TBC1D19: variants seen among roughly 807,000 people sequenced by gnomAD.
TBC1D19 encodes TBC1 domain family, member 19.
In TBC1D19, 60 loss-of-function variants were observed where a neutral mutation model predicts 89.0. The observed-to-expected ratio is 0.67, with a 90% CI of 0.55 to 0.84. The LOEUF (loss-of-function observed/expected upper bound fraction) is 0.84, where lower values mean the gene tolerates loss of function less well. TBC1D19 is among the 40% of genes least tolerant of loss of function. TBC1D19 has a pLI of 0.00. For missense variants in TBC1D19, 500 were observed against 610.8 expected (o/e 0.82, Z 1.91); for synonymous variants, 189 against 199.7 (o/e 0.95, Z 0.45).
chr4:26,819,241 G>GC, the TBC1D19 span, among the ~76,000 whole-genome samples: 1 of 152,200 alleles, frequency 6.6e-6, no homozygotes, highest in African/African-American at 2.4e-5. Flanking sequence ...CAGGGCAGTG[G>GC]CCCCTGAAGT....
intron 13 of TBC1D19, among the ~76,000 whole-genome samples, chr4:26,694,470 G>A (rs192517853): frequency 2.5e-4 from 38 of 152,320 alleles, no homozygotes; most frequent in South Asian, 6.2e-4. Flanking sequence ...ACCTCTGGGG[G>A]CCGGGCATAG....
In TBC1D19 at chr4:26,754,916, T is replaced by C; in HGVS notation, c.1550T>C (p.Leu517Pro). 6.2e-7 allele frequency: 1 copy of C among 1,606,212 alleles called. No homozygotes were observed. The highest frequency in any genetic ancestry group is 8.5e-7 in the Non-Finnish European group (1 of 1,177,688). ...DLSTLKVMPL[L>P]QIFLFATVT is the part of the protein sequence containing the mutation. ...TCTACTTTAAAAGTTATGCCTCTTC[T>C]TCAGATTTTTCTGTTTGCTACTGTC... is the stretch of plus-strand genomic sequence containing the variant. The change falls in exon 21 of 21, where the codon CTT (leucine) becomes CCT (proline). Residue 517 changes from leucine to proline, a missense_variant. Coordinates refer to ENST00000264866, the MANE Select transcript of TBC1D19 (RefSeq NM_018317.4).
intron 13 of TBC1D19, among the ~76,000 whole-genome samples, chr4:26,708,382 A>G (rs1225242300): frequency 6.6e-6 from 1 of 152,038 alleles, no homozygotes; most frequent in African/African-American, 2.4e-5. Flanking sequence ...ACTGTCTTGC[A>G]GCTTTCAAAG....
At chr4:26,664,542 A>G (rs1049203338) in intron 8 of TBC1D19, among the ~76,000 whole-genome samples, 1 of 152,222 alleles carries the variant, frequency 6.6e-6, no homozygotes, top group African/African-American at 2.4e-5. Flanking sequence ...GTGCCTTAAA[A>G]TAAATGGAAA....
chr4:26,824,150 G>T, the TBC1D19 span, among the ~76,000 whole-genome samples: 4 of 152,166 alleles, frequency 2.6e-5, no homozygotes, highest in African/African-American at 9.7e-5. Context: ...CATCTTTGTG[G>T]ACATGTTTGC....
At chr4:26,581,353 GTCCTAACGCTCTCCCT>G (rs771880411), upstream of TBC1D19, among the ~76,000 whole-genome samples, 4 of 152,122 alleles carry the variant, frequency 2.6e-5, no homozygotes, top group Non-Finnish European at 5.9e-5. Flanking sequence ...TTAGGTATTT[GTCCTAACGCTCTCCCT>G]TCCCTTGCCC....
the TBC1D19 span, among the ~76,000 whole-genome samples, chr4:26,772,924 A>G: frequency 6.6e-6 from 1 of 152,220 alleles, no homozygotes. Flanking sequence ...TGCAATGAAC[A>G]TATGCATGAA....
In TBC1D19 at chr4:26,675,871, C is replaced by G. The variant is rs1057455627; in HGVS notation, c.816+1983C>G. ...TACTTGTGGTTCCTAGTAGTTAATT[C>G]TTTTCATACTTTGAATAGAATATTA... On this transcript the variant is annotated intron_variant, in intron 11 of 20. Coordinates refer to ENST00000264866, the MANE Select transcript of TBC1D19 (RefSeq NM_018317.4). Among the ~76,000 whole-genome samples the G allele has an allele frequency of 2.0e-5, 3 of 152,076 alleles. 1 individual carries two copies. Among genetic ancestry groups the G allele is most frequent in the South Asian group, 4.1e-4 (2 of 4,832 alleles).
intron 13 of TBC1D19, among the ~76,000 whole-genome samples, chr4:26,693,198 T>A (rs1044608351): frequency 1.3e-5 from 2 of 151,138 alleles, no homozygotes; most frequent in African/African-American, 4.9e-5. Context: ...GGCGGCATAC[T>A]CTGAAGTACA....
At chr4:26,829,566 G>A in the TBC1D19 span, among the ~76,000 whole-genome samples, 2 of 152,296 alleles carry the variant, frequency 1.3e-5, no homozygotes, top group Admixed American at 6.5e-5. Context: ...GCATGAAGAT[G>A]TGGAATTTTC....
chr4:26,629,491 A>G (rs140188857), intron 4 of TBC1D19, among the ~76,000 whole-genome samples: 1 of 152,218 alleles, frequency 6.6e-6, no homozygotes, highest in African/African-American at 2.4e-5. Context: ...CCCGTGGTAG[A>G]TAATAGATAT....
chr4:26,817,979 A>C, the TBC1D19 span, among the ~76,000 whole-genome samples: 49 of 107,362 alleles, frequency 4.6e-4, no homozygotes, highest in African/African-American at 1.7e-3. Flanking sequence ...AAAAAAAAAA[A>C]AAATATATAT....
chr4:26,798,657 G>C, the TBC1D19 span, among the ~76,000 whole-genome samples: 1 of 151,810 alleles, frequency 6.6e-6, no homozygotes, highest in African/African-American at 2.4e-5. Flanking sequence ...ATCAACAGTT[G>C]ATGGGATAAA....
At chr4:26,713,196 G>A (rs189210929) in intron 13 of TBC1D19, among the ~76,000 whole-genome samples, 4 of 151,988 alleles carry the variant, frequency 2.6e-5, no homozygotes, top group African/African-American at 9.6e-5. Flanking sequence ...GACCATATTT[G>A]ATAATATCGA....
the TBC1D19 span, among the ~76,000 whole-genome samples, chr4:26,852,958 T>C: frequency 6.6e-6 from 1 of 152,204 alleles, no homozygotes; most frequent in Non-Finnish European, 1.5e-5. Flanking sequence ...GCCACTATTC[T>C]GGCCTAAACT....
intron 1 of TBC1D19, among the ~76,000 whole-genome samples, chr4:26,586,988 T>G (rs1739454765): frequency 6.6e-6 from 1 of 152,232 alleles, no homozygotes; most frequent in African/African-American, 2.4e-5. Context: ...TGCAATGTTT[T>G]GCAGATGCTT....
chr4:26,790,081 C>G, the TBC1D19 span, among the ~76,000 whole-genome samples: 1 of 152,132 alleles, frequency 6.6e-6, no homozygotes, highest in Non-Finnish European at 1.5e-5. Context: ...TTAATGAGTA[C>G]AATGTAAACT....
At chr4:26,821,916 T>A in the TBC1D19 span, among the ~76,000 whole-genome samples, 1 of 152,228 alleles carries the variant, frequency 6.6e-6, no homozygotes, top group South Asian at 2.1e-4. Context: ...GTGGCAGAAA[T>A]GTTTTCCTTG....
chr4:26,839,582 C>G, the TBC1D19 span, among the ~76,000 whole-genome samples: 1 of 152,114 alleles, frequency 6.6e-6, no homozygotes, highest in East Asian at 1.9e-4. Context: ...ACCCCCCCGC[C>G]CTTTCTGTCA....
Sources: gnomAD v4.1 joint callset for allele counts (sites outside exome capture counted in the v4.1 genomes callset) on GRCh38, gnomAD v4.1.1 for gene constraint, MANE v1.5 for transcripts, NCBI Gene and HGNC (gene_info 2026-07-23, HGNC 2026-07-21) for gene names.